The following SGCD variants were observed in gnomAD, a reference collection of about 807,000 sequenced individuals.
SGCD encodes sarcoglycan delta.
Under a neutral mutation model 36.6 loss-of-function variants are expected in SGCD, and 18 were observed. The observed-to-expected ratio is 0.49, with a 90% CI of 0.34 to 0.73. The LOEUF (loss-of-function observed/expected upper bound fraction) is 0.73. SGCD is among the 30% of genes least tolerant of loss of function. The pLI, the probability that SGCD is intolerant of heterozygous loss-of-function variation, is 0.01. For synonymous variants in SGCD, 133 were observed against 130.6 expected, an observed-to-expected ratio of 1.02 and a Z score of -0.12; for missense variants, 387 against 346.7, an observed-to-expected ratio of 1.12 and a Z score of -0.92.
chr5:156,679,147 T>C (rs1247715848), intron 7 of SGCD, among the ~76,000 whole-genome samples: 2 of 152,210 alleles, frequency 1.3e-5, no homozygotes, highest in Non-Finnish European at 2.9e-5. Flanking sequence ...TACCTAAAAG[T>C]GATTGATGCA....
chr5:156,626,179 G>T (rs976274506), intron 6 of SGCD, among the ~76,000 whole-genome samples: 1 of 152,164 alleles, frequency 6.6e-6, no homozygotes, highest in Non-Finnish European at 1.5e-5. Flanking sequence ...AGAAGCCGTG[G>T]GCTAGAGGAA....
chr5:156,028,341 A>T (rs1759269384), intron 1 of SGCD, among the ~76,000 whole-genome samples: 1 of 152,194 alleles, frequency 6.6e-6, no homozygotes, highest in African/African-American at 2.4e-5. Context: ...AAAAATAAAT[A>T]GAGAATAATT....
chr5:156,230,767 A>G (rs1460674097), intron 3 of SGCD, among the ~76,000 whole-genome samples: 2 of 152,060 alleles, frequency 1.3e-5, no homozygotes, highest in Non-Finnish European at 2.9e-5. Context: ...CCACCACTAT[A>G]TCTCAGCAAC....
chr5:156,409,333 CTG>C (rs2127768311), intron 3 of SGCD, among the ~76,000 whole-genome samples: 1 of 152,210 alleles, frequency 6.6e-6, no homozygotes, highest in East Asian at 1.9e-4. Context: ...TCAAACTTCT[CTG>C]TTTTAAAATC....
chr5:156,758,716 T>C (rs1303779167), intron 8 of SGCD, among the ~76,000 whole-genome samples: 2 of 152,098 alleles, frequency 1.3e-5, no homozygotes, highest in Non-Finnish European at 2.9e-5. Flanking sequence ...CTTATTTTTA[T>C]AGGCATATTT....
chr5:156,056,607 C>A (rs1412872197), intron 1 of SGCD, among the ~76,000 whole-genome samples: 2 of 129,734 alleles, frequency 1.5e-5, no homozygotes, highest in Admixed American at 8.4e-5. Context: ...CCAATCAACT[C>A]TTCTCATTCT....
At chr5:156,521,176 T>A (rs2113037692) in intron 4 of SGCD, among the ~76,000 whole-genome samples, 1 of 152,232 alleles carries the variant, frequency 6.6e-6, no homozygotes, top group South Asian at 2.1e-4. Context: ...TTGGACCCCT[T>A]CCTTACACCA....
intron 3 of SGCD, among the ~76,000 whole-genome samples, chr5:156,315,088 C>A (rs1443086884): frequency 2.6e-5 from 4 of 151,990 alleles, no homozygotes; most frequent in East Asian, 1.9e-4. Context: ...TCTCTCTTAG[C>A]AAATTCCAAG....
At chr5:155,795,850 C>T in the SGCD span, among the ~76,000 whole-genome samples, 2,896 of 152,126 alleles carry the variant, frequency 0.019, 64 homozygotes, top group East Asian at 0.13. Flanking sequence ...AGTTTTTTAA[C>T]CCTAGAAAAG....
At chr5:155,895,104 G>C (rs1756218619) in intron 1 of SGCD, among the ~76,000 whole-genome samples, 1 of 152,156 alleles carries the variant, frequency 6.6e-6, no homozygotes, top group Non-Finnish European at 1.5e-5. Context: ...CCACTGGAGG[G>C]ATACAGCTAC....
chr5:156,492,618 G>T (rs909757653), intron 3 of SGCD, among the ~76,000 whole-genome samples: 6 of 152,022 alleles, frequency 3.9e-5, no homozygotes, highest in African/African-American at 1.4e-4. Flanking sequence ...AGAACATGCA[G>T]GTTTGTTACA....
At chr5:156,002,323 G>A (rs543135654) in intron 1 of SGCD, among the ~76,000 whole-genome samples, 4 of 152,266 alleles carry the variant, frequency 2.6e-5, no homozygotes, top group Non-Finnish European at 4.4e-5. Context: ...CAGAGAAGCC[G>A]GCCCTACCTA....
At chr5:156,739,595 T>A (rs1370626965) in intron 7 of SGCD, 1 of 152,178 alleles carries the variant, frequency 6.6e-6, no homozygotes, top group African/African-American at 2.4e-5. Context: ...CTCTTCAGCC[T>A]GGATAAAAAA....
At chr5:155,894,167 T>A (rs1231651069) in intron 1 of SGCD, among the ~76,000 whole-genome samples, 4 of 152,168 alleles carry the variant, frequency 2.6e-5, no homozygotes, top group African/African-American at 9.7e-5. Flanking sequence ...CACACTAAGT[T>A]TATTAAAAAC....
chr5:156,013,210 A>G (rs1040022217), intron 1 of SGCD, among the ~76,000 whole-genome samples: 33 of 151,702 alleles, frequency 2.2e-4, no homozygotes, highest in African/African-American at 8.0e-4. Context: ...TTTTTAGTAG[A>G]GATGGAGTTT....
chr5:156,275,828 G>A (rs568546701), intron 3 of SGCD, among the ~76,000 whole-genome samples: 3 of 152,156 alleles, frequency 2.0e-5, no homozygotes, highest in Non-Finnish European at 4.4e-5. Flanking sequence ...GGCTTGACAT[G>A]TAATAATGTG....
intron 3 of SGCD, among the ~76,000 whole-genome samples, chr5:156,383,942 T>A (rs1216477892): frequency 6.6e-6 from 1 of 152,194 alleles, no homozygotes; most frequent in Admixed American, 6.5e-5. Flanking sequence ...GTGATAAAGA[T>A]ATGGGGGACT....
intron 3 of SGCD, among the ~76,000 whole-genome samples, chr5:156,438,710 C>T (rs1753360140): frequency 6.6e-6 from 1 of 152,108 alleles, no homozygotes; most frequent in African/African-American, 2.4e-5. Context: ...GAAACTTAAC[C>T]AAATGGTGTC....
At chr5:156,405,224 G>T (rs1772344689) in intron 3 of SGCD, among the ~76,000 whole-genome samples, 1 of 152,152 alleles carries the variant, frequency 6.6e-6, no homozygotes, top group South Asian at 2.1e-4. Context: ...TTTCAACCTT[G>T]TAAGACCCTC....
Sources: allele counts gnomAD v4.1 joint callset (sites outside exome capture counted in the v4.1 genomes callset), GRCh38; gene constraint gnomAD v4.1.1; transcripts MANE v1.5; gene names NCBI Gene and HGNC (gene_info 2026-07-23, HGNC 2026-07-21).